Variants in ZNF592 observed in about 807,000 individuals in gnomAD.
The protein encoded by ZNF592 is zinc finger protein 592.
ZNF592 carries 11 observed loss-of-function variants against 80.3 expected under a neutral mutation model. The observed-to-expected ratio is 0.14, with a 90% CI of 0.09 to 0.23. ZNF592 has a LOEUF of 0.23. Ranked by LOEUF, ZNF592 falls within the 10% of genes least tolerant of loss-of-function variation. The pLI is 1.00. For missense variants in ZNF592, 1,420 were observed against 1,633.9 expected, an observed-to-expected ratio of 0.87 and a Z score of 2.26; for synonymous variants, 646 against 640.3, an observed-to-expected ratio of 1.01 and a Z score of -0.13.
At chr15:84,766,827 T>A (rs1193860710) in intron 2 of ZNF592, among the ~76,000 whole-genome samples, 2 of 151,990 alleles carry the variant, frequency 1.3e-5, no homozygotes, top group Admixed American at 6.6e-5. Flanking sequence ...TGTGGTGATC[T>A]AAGGCAACCA....
rs146022870 is a variant in ZNF592 at position 84,750,273 on chromosome 15, A to G, written c.-259+1609A>G. Among the ~76,000 whole-genome samples, 661 of 152,376 alleles carry G rather than the reference A, an allele frequency of 4.3e-3. 13 individuals are homozygous for G. The highest frequency in any genetic ancestry group is 0.014 in the African/African-American group (595 of 41,588). The stretch of plus-strand genomic sequence containing the variant: ...ACCTGAGATCGTGCCGTTGCACTCT[A>G]GCTTGGGCTACAGAGTGAGACTCCA... On this transcript the variant is annotated intron_variant, in intron 1 of 10. Coordinates refer to ENST00000560079, the MANE Select transcript of ZNF592 (RefSeq NM_014630.3).
At chr15:84,749,614 T>C (rs574616010) in intron 1 of ZNF592, among the ~76,000 whole-genome samples, 1 of 152,214 alleles carries the variant, frequency 6.6e-6, no homozygotes, top group South Asian at 2.1e-4. Context: ...AGTAAGACGG[T>C]ATTTGGCTTA....
chr15:84,800,827 A>T (rs796855414), intron 10 of ZNF592, among the ~76,000 whole-genome samples: 1 of 152,314 alleles, frequency 6.6e-6, no homozygotes, highest in African/African-American at 2.4e-5. Flanking sequence ...CTGCTAAAGG[A>T]TGTTTGCTGC....
chr15:84,790,099 A>AC (rs1962702251), intron 4 of ZNF592, among the ~76,000 whole-genome samples: 1 of 23,646 alleles, frequency 4.2e-5, no homozygotes, highest in African/African-American at 1.7e-4. Flanking sequence ...CCACCCCCCA[A>AC]CCCCCACCCC....
At chr15:84,771,473 T>C (rs1423832597) in intron 2 of ZNF592, among the ~76,000 whole-genome samples, 1 of 151,990 alleles carries the variant, frequency 6.6e-6, no homozygotes, top group Admixed American at 6.6e-5. Flanking sequence ...GAACCACCAC[T>C]GGGGTCAGAA....
chr15:84,787,597 A>C (rs1962628051), intron 4 of ZNF592, among the ~76,000 whole-genome samples: 1 of 152,138 alleles, frequency 6.6e-6, no homozygotes, highest in Non-Finnish European at 1.5e-5. Context: ...TGAATGGAGC[A>C]TGCCTCCCTC....
intron 10 of ZNF592, 139 bp from the exon 11 acceptor site, chr15:84,801,724 C>T: frequency 8.1e-7 from 1 of 1,234,142 alleles, no homozygotes. Flanking sequence ...TGAAACAAAC[C>T]AAACGTAAAC....
At chr15:84,770,736 T>C (rs1208114255) in intron 2 of ZNF592, among the ~76,000 whole-genome samples, 1 of 152,082 alleles carries the variant, frequency 6.6e-6, no homozygotes, top group Non-Finnish European at 1.5e-5. Flanking sequence ...CCTAGACATA[T>C]TGAATCAGAA....
chr15:84,774,615 C>T (rs980422302), intron 2 of ZNF592, among the ~76,000 whole-genome samples: 1 of 151,946 alleles, frequency 6.6e-6, no homozygotes, highest in Non-Finnish European at 1.5e-5. Context: ...GACATATATA[C>T]GGATGCACAC....
intron 2 of ZNF592, among the ~76,000 whole-genome samples, chr15:84,771,113 G>A (rs1899688336): frequency 6.6e-6 from 1 of 152,066 alleles, no homozygotes; most frequent in African/African-American, 2.4e-5. Flanking sequence ...TGGGGAGCCA[G>A]GTGTGTTAGG....
chr15:84,788,984 G>A (rs1962662917), intron 4 of ZNF592, among the ~76,000 whole-genome samples: 1 of 151,826 alleles, frequency 6.6e-6, no homozygotes, highest in African/African-American at 2.4e-5. Flanking sequence ...GCTAAGGTGG[G>A]TGGATCATTT....
chr15:84,772,027 T>C (rs1209786793), intron 2 of ZNF592, among the ~76,000 whole-genome samples: 1 of 152,222 alleles, frequency 6.6e-6, no homozygotes, highest in East Asian at 1.9e-4. Flanking sequence ...ACTAAACCAA[T>C]GCCTACCTAA....
chr15:84,785,493 G>C (rs1185018190), intron 4 of ZNF592, among the ~76,000 whole-genome samples: 2 of 152,116 alleles, frequency 1.3e-5, no homozygotes, highest in Admixed American at 6.6e-5. Context: ...TGTATTTTTA[G>C]TAGAGACAGG....
At chr15:84,752,524 A>G (rs1264168982) in intron 1 of ZNF592, among the ~76,000 whole-genome samples, 2 of 152,218 alleles carry the variant, frequency 1.3e-5, no homozygotes, top group African/African-American at 2.4e-5. Context: ...TTCTAGGTAG[A>G]TAGAATCATA....
chr15:84,796,246 ATATATATATATATATATATTTT>A (rs1567076196), intron 5 of ZNF592, among the ~76,000 whole-genome samples: 3,799 of 24,658 alleles, frequency 0.15, 300 homozygotes, highest in Non-Finnish European at 0.18. Context: ...AAAAATATAT[ATATATATATATATATATATTTT>A]ATATATATAT....
Position 84,784,621 on chromosome 15 carries a change from C to A in ZNF592, c.1946C>A (p.Ser649Tyr). 1.2e-6 allele frequency: 2 copies of A among 1,614,200 alleles called. No individual in the cohort carries two copies. The highest frequency in any genetic ancestry group is 1.7e-6 in the Non-Finnish European group (2 of 1,180,030). The part of the protein sequence containing the change: ...HKSKGLVMQC[S>Y]QLLVKPISAD... ...AGCAAGGGGCTCGTCATGCAGTGTT[C>A]CCAGCTGCTGGTGAAGCCTATCTCT... is the stretch of plus-strand genomic sequence containing the variant. Residue 649 changes from serine (S) to tyrosine (Y), a missense_variant, in exon 4 of 11, where the codon TCC becomes TAC. Coordinates refer to ENST00000560079, the MANE Select transcript of ZNF592 (RefSeq NM_014630.3). The surrounding 1 kb of genome is among the most constrained non-coding windows in gnomAD (Gnocchi z 5.8).
rs1596124282 is a variant in ZNF592, at chr15:84,784,114, G to A, written c.1439G>A (p.Gly480Asp). 7 of 1,614,126 alleles carry A rather than the reference G, an allele frequency of 4.3e-6. No homozygotes were observed. Among genetic ancestry groups the A allele is most frequent in the Non-Finnish European group, 5.9e-6 (7 of 1,180,036 alleles). Residue 480 changes from glycine to aspartate, a missense_variant, in exon 4 of 11, where the codon GGC becomes GAC. Coordinates refer to ENST00000560079, the MANE Select transcript of ZNF592 (RefSeq NM_014630.3). This position sits in a 1 kb window ranked among gnomAD's most constrained non-coding sequence, Gnocchi z 5.8. ...PKGAAPGSQT[G>D]KKQQSTALQA... is the part of the protein sequence containing the mutation. The stretch of plus-strand genomic sequence containing the variant: ...GGGGCTGCCCCAGGCTCACAGACAG[G>A]CAAGAAGCAACAGAGCACAGCACTG...
intron 4 of ZNF592, among the ~76,000 whole-genome samples, chr15:84,790,030 T>G (rs1347941076): frequency 2.0e-5 from 3 of 152,178 alleles, no homozygotes; most frequent in Non-Finnish European, 4.4e-5. Flanking sequence ...CTACCTAATC[T>G]GCCCTTGTCT....
chr15:84,789,049 T>TA (rs1290792809), intron 4 of ZNF592, among the ~76,000 whole-genome samples: 2,270 of 139,106 alleles, frequency 0.016, 55 homozygotes, highest in African/African-American at 0.055. Context: ...TGTCTCTATT[T>TA]AAAAAAAAAA....
Sources: gnomAD v4.1 joint callset for allele counts (sites outside exome capture counted in the v4.1 genomes callset) on GRCh38, gnomAD v4.1.1 for gene constraint, Gnocchi (gnomAD v3.1) non-coding constraint, MANE v1.5 for transcripts, NCBI Gene and HGNC (gene_info 2026-07-23, HGNC 2026-07-21) for gene names.